Variants in NSD1 observed in about 807,000 individuals in gnomAD.
NSD1 encodes the protein nuclear receptor binding SET domain protein 1.
NSD1 carries 26 observed loss-of-function variants against 242.7 expected under a neutral mutation model. The ratio of observed to expected loss-of-function variants is 0.11; its 90% CI spans 0.08 to 0.15. NSD1 has a LOEUF of 0.15. Among genes scored for constraint, NSD1 ranks in the 10% least tolerant of loss-of-function variants. The pLI is 1.00. For synonymous variants in NSD1, 1,106 were observed against 1,178.1 expected (o/e 0.94, Z 1.25); for missense variants, 2,495 against 3,272.8 (o/e 0.76, Z 5.80).
intron 5 of NSD1, among the ~76,000 whole-genome samples, chr5:177,229,561 G>A (rs1488413231): frequency 6.6e-6 from 1 of 151,858 alleles, no homozygotes; most frequent in East Asian, 1.9e-4. Flanking sequence ...CTTTATCTTA[G>A]CTTGGCAAAT....
intron 2 of NSD1, among the ~76,000 whole-genome samples, chr5:177,144,225 T>G (rs538853154): frequency 2.6e-5 from 4 of 152,042 alleles, no homozygotes; most frequent in Non-Finnish European, 5.9e-5. Flanking sequence ...TTTGAGTTTT[T>G]TTTTTTTTCT....
chr5:177,204,403 GAGTAC>G, intron 4 of NSD1, 111 bp downstream of exon 4: 1 of 986,540 alleles, frequency 1.0e-6, no homozygotes, highest in Non-Finnish European at 1.5e-6. Flanking sequence ...TCCCAGATTG[GAGTAC>G]AGTGGTGCAA....
chr5:177,234,590 C>T (rs966303524), intron 5 of NSD1, among the ~76,000 whole-genome samples: 4 of 152,206 alleles, frequency 2.6e-5, no homozygotes, highest in South Asian at 2.1e-4. Context: ...GTGGCAGGCG[C>T]CTGTAATCCC....
chr5:177,148,625 A>T (rs768363778), intron 2 of NSD1, among the ~76,000 whole-genome samples: 1 of 150,448 alleles, frequency 6.6e-6, no homozygotes, highest in Non-Finnish European at 1.5e-5. Context: ...GGGTTTCACC[A>T]TGTTGGGTCA....
chr5:177,225,571 A>G (rs1764573640), intron 5 of NSD1, among the ~76,000 whole-genome samples: 1 of 151,874 alleles, frequency 6.6e-6, no homozygotes. Context: ...CTTTTTCCTG[A>G]CATCCTTTAC....
At chr5:177,179,823 G>A (rs1447094167) in intron 2 of NSD1, among the ~76,000 whole-genome samples, 1 of 152,158 alleles carries the variant, frequency 6.6e-6, no homozygotes, top group Non-Finnish European at 1.5e-5. Flanking sequence ...GTGGGAGATG[G>A]GGAAGGGGGC....
intron 18 of NSD1, among the ~76,000 whole-genome samples, chr5:177,281,347 TAATAA>T (rs771572442): frequency 2.9e-4 from 44 of 150,770 alleles, no homozygotes; most frequent in African/African-American, 9.1e-4. Context: ...TTTTTTTTTT[TAATAA>T]AATAAGCCTT....
rs1464294461 is a variant in NSD1, at chr5:177,177,095, G to T, written c.928-14789G>T. Among the ~76,000 whole-genome samples, 6 of 152,120 alleles carry T rather than the reference G, an allele frequency of 3.9e-5. No homozygotes were observed. The East Asian group carries it at 5.8e-4, about 15-fold the overall frequency. On this transcript the variant is annotated intron_variant, in intron 2 of 22. Transcript: ENST00000439151. ...TGTTTTGTTTTGTTTTTGAGACAGG[G>T]TCTCTGTTGTCCAGGCTGGAGTATA... is the stretch of plus-strand genomic sequence containing the variant.
intron 2 of NSD1, among the ~76,000 whole-genome samples, chr5:177,139,537 G>A (rs1756635719): frequency 6.6e-6 from 1 of 152,008 alleles, no homozygotes; most frequent in Non-Finnish European, 1.5e-5. Flanking sequence ...ACTTTTCTAT[G>A]TAGTCATGTG....
At chr5:177,207,593 A>AT (rs150492535) in intron 4 of NSD1, among the ~76,000 whole-genome samples, 8,536 of 78,044 alleles carry the variant, frequency 0.11, 948 homozygotes, top group East Asian at 0.13. Flanking sequence ...ATTTATTTAA[A>AT]TTTTTTTTTT....
intron 2 of NSD1, among the ~76,000 whole-genome samples, chr5:177,159,963 C>T (rs568313189): frequency 6.6e-6 from 1 of 152,088 alleles, no homozygotes; most frequent in South Asian, 2.1e-4. Flanking sequence ...GATCTTAGCT[C>T]ACTGCAACCT....
Position 177,295,186 on chromosome 5 carries a change from C to T in NSD1, c.7818C>T (p.Ala2606=), listed in dbSNP as rs1387893907. 1 of 1,614,186 alleles carries T rather than the reference C, an allele frequency of 6.2e-7. No homozygotes were observed. The highest frequency in any genetic ancestry group is 8.5e-7 in the Non-Finnish European group (1 of 1,180,036). The change falls in exon 23 of 23, where the codon GCC becomes GCT. Residue 2606 remains alanine, a synonymous_variant. Coordinates refer to ENST00000439151, the MANE Select transcript of NSD1 (RefSeq NM_022455.5). This position sits in a 1 kb window ranked among gnomAD's most constrained non-coding sequence, Gnocchi z 4.3. Reference sequence around the variant, plus strand: ...AATCTTTTAGGTCTCTCGGGAAGGCCCCAGCCTCCCTCCCCACTGAAGAAA... The same window carrying T: ...AATCTTTTAGGTCTCTCGGGAAGGCTCCAGCCTCCCTCCCCACTGAAGAAA... The part of the protein sequence containing the change: ...SGQSFRSLGK[A]PASLPTEEKK...
At chr5:177,216,962 T>C (rs1291750064) in intron 5 of NSD1, among the ~76,000 whole-genome samples, 1 of 150,652 alleles carries the variant, frequency 6.6e-6, no homozygotes, top group Non-Finnish European at 1.5e-5. Flanking sequence ...TTTTTTTTTT[T>C]CTTCTCAAGA....
intron 2 of NSD1, among the ~76,000 whole-genome samples, chr5:177,188,859 T>G (rs1761449393): frequency 6.6e-6 from 1 of 152,088 alleles, no homozygotes; most frequent in African/African-American, 2.4e-5. Flanking sequence ...AAAAAATGCT[T>G]TAACAGCTTG....
At chr5:177,148,035 G>A (rs1581127499) in intron 2 of NSD1, among the ~76,000 whole-genome samples, 1 of 152,038 alleles carries the variant, frequency 6.6e-6, no homozygotes, top group African/African-American at 2.4e-5. Flanking sequence ...TCATTTATGG[G>A]GTTTTGTGTG....
intron 2 of NSD1, among the ~76,000 whole-genome samples, chr5:177,179,576 CAT>C (rs1207950922): frequency 2.0e-5 from 3 of 152,152 alleles, no homozygotes; most frequent in Non-Finnish European, 4.4e-5. Context: ...AAGTATAAAA[CAT>C]AGAAAAAAAG....
chr5:177,201,805 T>A (rs1413053751), intron 3 of NSD1, among the ~76,000 whole-genome samples: 1 of 151,626 alleles, frequency 6.6e-6, no homozygotes, highest in Admixed American at 6.6e-5. Flanking sequence ...GTGATCCGCC[T>A]GCCTCAGCCT....
intron 17 of NSD1, among the ~76,000 whole-genome samples, chr5:177,280,054 G>C (rs1758742091): frequency 6.7e-6 from 1 of 148,382 alleles, no homozygotes; most frequent in Non-Finnish European, 1.5e-5. Flanking sequence ...CTGTTGCCCA[G>C]GCTGGAGTGC....
At position 177,135,769 on chromosome 5, in the gene NSD1, C is replaced by A. The variant is rs369717742; in HGVS notation, c.666C>A (p.Val222=). 1 of 1,613,088 alleles carries A rather than the reference C, an allele frequency of 6.2e-7. No individual in the cohort carries two copies. The highest frequency in any genetic ancestry group is 1.1e-5 in the South Asian group (1 of 91,034). The part of the protein sequence containing the change: ...DSTPESRHGA[V]KSPFLPLAPQ... ...CACCAGAGAGTAGACACGGTGCAGT[C>A]AAATCGCCATTCTTGCCATTAGCTC... The change falls in exon 2 of 23, where the codon GTC becomes GTA. Residue 222 remains valine, a synonymous_variant. Coordinates refer to ENST00000439151, the MANE Select transcript of NSD1 (RefSeq NM_022455.5).
Sources: allele counts gnomAD v4.1 joint callset (sites outside exome capture counted in the v4.1 genomes callset), GRCh38; gene constraint gnomAD v4.1.1; non-coding constraint Gnocchi (gnomAD v3.1); transcripts MANE v1.5; gene names NCBI Gene and HGNC (gene_info 2026-07-23, HGNC 2026-07-21).